RPH3A: variants seen among roughly 807,000 people sequenced by gnomAD.
The protein encoded by RPH3A is rabphilin-3A.
A neutral mutation model predicts 102.2 loss-of-function variants in RPH3A; 48 were observed. That is an observed-to-expected ratio of 0.47 (90% CI 0.37 to 0.60). The LOEUF is 0.60. RPH3A is among the 20% of genes least tolerant of loss of function. The pLI is 0.00. For synonymous variants in RPH3A, 310 were observed against 324.3 expected (o/e 0.96, Z 0.47); for missense variants, 781 against 910.1 (o/e 0.86, Z 1.83).
intron 2 of RPH3A, among the ~76,000 whole-genome samples, chr12:112,800,660 G>T (rs940907576): frequency 5.9e-5 from 9 of 152,174 alleles, no homozygotes; most frequent in African/African-American, 1.7e-4. Context: ...AGAGAAGAAG[G>T]TGGTGACATT....
At chr12:112,705,341 T>C (rs1318201571) in intron 1 of RPH3A, among the ~76,000 whole-genome samples, 2 of 152,200 alleles carry the variant, frequency 1.3e-5, no homozygotes, top group African/African-American at 4.8e-5. Context: ...AAATTCTATT[T>C]TTATGGAACA....
Position 112,791,929 on chromosome 12 carries a change from C to T in RPH3A, c.-223C>T, listed in dbSNP as rs1385584800. On this transcript the variant is annotated 5_prime_UTR_variant, in exon 1 of 22. Transcript: ENST00000389385. ...GACTCACAGAGCTAAAACCTTCATC[C>T]ATGTGGAGGACAGTCTGAGGGAGCC... The T allele has an allele frequency of 4.8e-5, 2 of 42,066 alleles. No individual in the cohort carries two copies. Among genetic ancestry groups the T allele is most frequent in the Admixed American group, 2.6e-4 (1 of 3,912 alleles). The allele number at this position is 42,066 out of a possible 1,614,324, so 2.6% of individuals were successfully genotyped here. A position where few individuals can be genotyped will look rare whatever the true frequency, so the allele number is the denominator to read the frequency against.
At chr12:112,589,394 C>A (rs552531927) in intron 1 of RPH3A, among the ~76,000 whole-genome samples, 8 of 152,096 alleles carry the variant, frequency 5.3e-5, no homozygotes, top group Admixed American at 1.3e-4. Context: ...TAAAAACAAC[C>A]CTTACTCTCT....
At chr12:112,719,273 T>C (rs2040535684) in intron 1 of RPH3A, among the ~76,000 whole-genome samples, 1 of 152,148 alleles carries the variant, frequency 6.6e-6, no homozygotes, top group African/African-American at 2.4e-5. Flanking sequence ...GGTAGAGAAA[T>C]GGGGAAGTCA....
At chr12:112,652,827 A>G (rs1266518854) in intron 1 of RPH3A, among the ~76,000 whole-genome samples, 1 of 152,234 alleles carries the variant, frequency 6.6e-6, no homozygotes, top group East Asian at 1.9e-4. Context: ...CAAAACAGTC[A>G]TGCATGGCTT....
At chr12:112,743,100 G>T (rs973162366) in intron 1 of RPH3A, among the ~76,000 whole-genome samples, 2 of 152,174 alleles carry the variant, frequency 1.3e-5, no homozygotes, top group East Asian at 3.9e-4. Flanking sequence ...TACACTTAAA[G>T]TTCCCTCCAG....
intron 1 of RPH3A, among the ~76,000 whole-genome samples, chr12:112,673,256 C>T (rs1181694858): frequency 1.3e-5 from 2 of 152,154 alleles, no homozygotes; most frequent in Non-Finnish European, 1.5e-5. Context: ...CACAGTAATG[C>T]TGTGAGGGAG....
chr12:112,896,525 A>G (rs2043181671), intron 21 of RPH3A, 125 bp from the exon 22 acceptor site: 3 of 1,083,024 alleles, frequency 2.8e-6, no homozygotes, highest in South Asian at 3.0e-5. Flanking sequence ...ACAACTCTCT[A>G]TAGAGTATGG....
chr12:112,767,540 A>C (rs1206651020), intron 1 of RPH3A, among the ~76,000 whole-genome samples: 2 of 152,154 alleles, frequency 1.3e-5, no homozygotes, highest in African/African-American at 4.8e-5. Context: ...GGGTCTGGCT[A>C]GGAGCTTTAG....
chr12:112,854,907 A>G (rs1311294471), intron 5 of RPH3A, among the ~76,000 whole-genome samples: 1 of 152,252 alleles, frequency 6.6e-6, no homozygotes, highest in Non-Finnish European at 1.5e-5. Context: ...AGAGAAGTCA[A>G]TAATGACAGG....
chr12:112,849,534 C>G (rs112641561), intron 5 of RPH3A, among the ~76,000 whole-genome samples: 36 of 152,182 alleles, frequency 2.4e-4, no homozygotes, highest in African/African-American at 8.2e-4. Context: ...AAAGCAAGAA[C>G]TCTGTTCAAC....
At chr12:112,615,657 CT>C (rs2039673807) in intron 1 of RPH3A, among the ~76,000 whole-genome samples, 2 of 152,132 alleles carry the variant, frequency 1.3e-5, no homozygotes, top group Admixed American at 1.3e-4. Context: ...ACCTTGCCTT[CT>C]CTTTTTGCCC....
intron 5 of RPH3A, among the ~76,000 whole-genome samples, chr12:112,856,130 A>T (rs1260914592): frequency 6.6e-6 from 1 of 152,320 alleles, no homozygotes; most frequent in South Asian, 2.1e-4. Context: ...ACATAAACCC[A>T]TCACACTGGG....
At chr12:112,862,012 CA>C (rs56918360) in intron 5 of RPH3A, among the ~76,000 whole-genome samples, 2,759 of 78,456 alleles carry the variant, frequency 0.035, 53 homozygotes, top group African/African-American at 0.11. Flanking sequence ...GACTCCGTCT[CA>C]AAAAAAAAAA....
rs1181294494 is a variant in RPH3A, at chr12:112,622,237, G to T, written c.-140+46918G>T. 7.6e-4 allele frequency among the ~76,000 whole-genome samples: 65 copies of T among 85,130 alleles called. 1 individual carries two copies. Among genetic ancestry groups the T allele is most frequent in the Non-Finnish European group, 3.8e-4 (20 of 52,042 alleles). 55.8% of individuals were successfully genotyped at this position (85,130 alleles called of 152,430 possible). ...GATTTTGACGAGCTGAGAGAAGAAG[G>T]CTTCAGACGATCAAATGACTCTGAG... On this transcript the variant is annotated intron_variant, in intron 1 of 21. Transcript: ENST00000543106.
intron 1 of RPH3A, among the ~76,000 whole-genome samples, chr12:112,752,746 A>T (rs2040793337): frequency 6.6e-6 from 1 of 152,092 alleles, no homozygotes; most frequent in Admixed American, 6.6e-5. Flanking sequence ...CACCAAGTGC[A>T]GAATTTGATG....
At chr12:112,770,108 A>G (rs2040917623) in intron 1 of RPH3A, among the ~76,000 whole-genome samples, 1 of 152,094 alleles carries the variant, frequency 6.6e-6, no homozygotes, top group Admixed American at 6.5e-5. Context: ...AAATAGCTTC[A>G]TGGCATCCCA....
chr12:112,734,755 T>C (rs1197614537), intron 1 of RPH3A, among the ~76,000 whole-genome samples: 1 of 152,220 alleles, frequency 6.6e-6, no homozygotes, highest in Non-Finnish European at 1.5e-5. Flanking sequence ...GGTATCTTTC[T>C]GACTTTGCCA....
chr12:112,647,169 T>G (rs760157452), intron 1 of RPH3A, among the ~76,000 whole-genome samples: 13 of 152,182 alleles, frequency 8.5e-5, no homozygotes, highest in Non-Finnish European at 1.8e-4. Flanking sequence ...TGGCCTGTTT[T>G]TTTTGAAGAT....
Sources: allele counts gnomAD v4.1 joint callset (sites outside exome capture counted in the v4.1 genomes callset), GRCh38; gene constraint gnomAD v4.1.1; transcripts MANE v1.5; gene names NCBI Gene and HGNC (gene_info 2026-07-23, HGNC 2026-07-21).